Variants in VAPA observed in about 807,000 individuals in gnomAD.
VAPA encodes the protein vesicle-associated membrane protein-associated protein A.
VAPA carries 6 observed loss-of-function variants against 25.6 expected under a neutral mutation model. The ratio of observed to expected loss-of-function variants is 0.23; its 90% CI spans 0.13 to 0.46. The LOEUF (loss-of-function observed/expected upper bound fraction) is 0.46. Among genes scored for constraint, VAPA ranks in the 20% least tolerant of loss-of-function variants. VAPA has a pLI of 0.99. For missense variants in VAPA, 244 were observed against 302.1 expected (o/e 0.81, Z 1.43); for synonymous variants, 112 against 106.2 (o/e 1.05, Z -0.34).
intron 1 of VAPA, among the ~76,000 whole-genome samples, chr18:9,928,369 T>C (rs2069220656): frequency 6.6e-6 from 1 of 152,158 alleles, no homozygotes; most frequent in South Asian, 2.1e-4. Context: ...AATACTCATA[T>C]AATCACCTCC....
At chr18:9,923,199 G>C (rs968783835) in intron 1 of VAPA, among the ~76,000 whole-genome samples, 2 of 152,106 alleles carry the variant, frequency 1.3e-5, no homozygotes, top group Admixed American at 1.3e-4. Flanking sequence ...GTTTGATACT[G>C]TTCTGAAAAT....
chr18:9,950,254 A>T, intron 4 of VAPA, 141 bp from the exon 5 acceptor site: 2 of 805,656 alleles, frequency 2.5e-6, no homozygotes, highest in Non-Finnish European at 3.9e-6. Flanking sequence ...TATTTAGACT[A>T]ATCTGACTGC....
At chr18:9,952,532 C>T (rs1299287937) in intron 5 of VAPA, among the ~76,000 whole-genome samples, 4 of 150,108 alleles carry the variant, frequency 2.7e-5, no homozygotes, top group African/African-American at 4.9e-5. Context: ...CGCCATTGTA[C>T]TCCAGCCTGG....
intron 2 of VAPA, among the ~76,000 whole-genome samples, chr18:9,934,801 C>T (rs951797155): frequency 5.3e-5 from 8 of 152,134 alleles, no homozygotes; most frequent in Non-Finnish European, 7.4e-5. Context: ...ACTTAAAAGA[C>T]GAGAAATTAT....
chr18:9,959,987 TACAA>T lies in VAPA; in HGVS notation c.*5779_*5782del, dbSNP rs991190475. 41 of 121,476 alleles carry T rather than the reference TACAA, an allele frequency of 3.4e-4. No individual in the cohort carries two copies. The highest frequency in any genetic ancestry group is 5.7e-4 in the African/African-American group (21 of 36,898). 7.5% of individuals were successfully genotyped at this position (121,476 alleles called of 1,614,324 possible). A position where few individuals can be genotyped will look rare whatever the true frequency, so the allele number is the denominator to read the frequency against. On this transcript the variant is annotated 3_prime_UTR_variant, in exon 6 of 6. Coordinates refer to ENST00000400000, the MANE Select transcript of VAPA (RefSeq NM_194434.3). ...AGGATATATTTCACATGAAAACAAA[TACAA>T]ACGAGAATCAAAATAAAGTTTTGCA...
At chr18:9,923,719 C>G (rs1251723674) in intron 1 of VAPA, among the ~76,000 whole-genome samples, 16 of 152,020 alleles carry the variant, frequency 1.1e-4, no homozygotes, top group African/African-American at 1.9e-4. Context: ...GAGTACTGTT[C>G]CCACTGAGAA....
chr18:9,944,261 T>C (rs773596491), intron 4 of VAPA, among the ~76,000 whole-genome samples: 1 of 152,122 alleles, frequency 6.6e-6, no homozygotes, highest in African/African-American at 2.4e-5. Flanking sequence ...AGGGGTCTTA[T>C]CATAAAATGG....
chr18:9,948,166 C>CT (rs1567901705), intron 4 of VAPA: 4 of 152,130 alleles, frequency 2.6e-5, no homozygotes, highest in African/African-American at 9.7e-5. Flanking sequence ...ACAAAAAAAT[C>CT]TAATTCTATT....
intron 4 of VAPA, among the ~76,000 whole-genome samples, chr18:9,945,971 T>C (rs1164151376): frequency 1.3e-5 from 2 of 152,220 alleles, no homozygotes; most frequent in African/African-American, 4.8e-5. Context: ...TATGTGCGTT[T>C]TTATCCATCA....
rs555114003 is a variant in VAPA at position 9,914,227 on chromosome 18, G to A, written c.-30G>A. 5 of 1,563,486 alleles carry A rather than the reference G, an allele frequency of 3.2e-6. No individual in the cohort carries two copies. In the African/African-American group the frequency reaches 4.3e-5, roughly 13 times the overall value. On this transcript the variant is annotated 5_prime_UTR_variant, in exon 1 of 6. Transcript: ENST00000400000. Reference sequence around the variant, plus strand: ...CCCCAGTCAGCAAACCGCCGCCGCGGGCGCGCCCCCGCTCTGCGCTGTCTC... The same window carrying A: ...CCCCAGTCAGCAAACCGCCGCCGCGAGCGCGCCCCCGCTCTGCGCTGTCTC...
At position 9,926,227 on chromosome 18, in the gene VAPA, A is replaced by T. The variant is rs566611744; in HGVS notation, c.80-5583A>T. ...ATGTTTTGTATATATGATTACCTTAACATGATGCCACAGATACTCAGCAGC... is the reference window on the plus strand; with the variant it reads ...ATGTTTTGTATATATGATTACCTTATCATGATGCCACAGATACTCAGCAGC... On this transcript the variant is annotated intron_variant, in intron 1 of 5. Coordinates refer to ENST00000400000, the MANE Select transcript of VAPA (RefSeq NM_194434.3). Among the ~76,000 whole-genome samples the T allele has an allele frequency of 2.6e-5, 4 of 152,282 alleles. No homozygotes were observed. The East Asian group carries it at 7.7e-4, about 29-fold the overall frequency.
chr18:9,919,523 C>T (rs761675510), intron 1 of VAPA, among the ~76,000 whole-genome samples: 6 of 152,078 alleles, frequency 3.9e-5, no homozygotes, highest in Admixed American at 1.3e-4. Context: ...TATAGTGCTA[C>T]GAGAATGTAA....
intron 2 of VAPA, 93 bp from the exon 3 acceptor site, chr18:9,936,017 C>T (rs1031680275): frequency 3.5e-6 from 3 of 862,796 alleles, no homozygotes; most frequent in Admixed American, 2.9e-5. Flanking sequence ...AAGGCAAATC[C>T]CAGACTTAGT....
At chr18:9,925,394 CT>C (rs1189116329) in intron 1 of VAPA, among the ~76,000 whole-genome samples, 3 of 152,014 alleles carry the variant, frequency 2.0e-5, no homozygotes, top group Non-Finnish European at 2.9e-5. Context: ...AGGATCCATA[CT>C]TTTATGATGT....
intron 4 of VAPA, among the ~76,000 whole-genome samples, chr18:9,942,868 T>C (rs2069380224): frequency 1.3e-5 from 2 of 152,120 alleles, no homozygotes; most frequent in Non-Finnish European, 1.5e-5. Context: ...CCCACCAGGT[T>C]CCACCTCCAA....
chr18:9,914,430 C>A, intron 1 of VAPA, 95 bp downstream of exon 1: 1 of 1,111,012 alleles, frequency 9.0e-7, no homozygotes, highest in Non-Finnish European at 1.2e-6. Context: ...GGCCCTGGCC[C>A]GAGGGAGCGC....
chr18:9,932,675 G>C (rs2069267857), intron 2 of VAPA, among the ~76,000 whole-genome samples: 1 of 152,108 alleles, frequency 6.6e-6, no homozygotes, highest in Non-Finnish European at 1.5e-5. Flanking sequence ...TTACTTAGGG[G>C]AGAACCTCTC....
chr18:9,920,858 A>C (rs1297586478), intron 1 of VAPA, among the ~76,000 whole-genome samples: 2 of 152,148 alleles, frequency 1.3e-5, no homozygotes, highest in Non-Finnish European at 1.5e-5. Context: ...CTCTGCTTAG[A>C]ATATTGTCCT....
chr18:9,959,852 G>A lies in VAPA; in HGVS notation c.*5641G>A, dbSNP rs1219553502. 6.6e-6 allele frequency: 1 copy of A among 151,986 alleles called. No individual in the cohort carries two copies. Among genetic ancestry groups the A allele is most frequent in the Non-Finnish European group, 1.5e-5 (1 of 67,996 alleles). The allele number at this position is 151,986 out of a possible 1,614,324, so 9.4% of individuals were successfully genotyped here. ...AGGTTTGTTAGGAATTACAGTTGTG[G>A]GGAGCAAACTTTCTTTTTTGTGCTG... is the stretch of plus-strand genomic sequence containing the variant. On this transcript the variant is annotated 3_prime_UTR_variant, in exon 6 of 6. Transcript: ENST00000400000.
Sources: allele counts gnomAD v4.1 joint callset (sites outside exome capture counted in the v4.1 genomes callset), GRCh38; gene constraint gnomAD v4.1.1; transcripts MANE v1.5; gene names NCBI Gene and HGNC (gene_info 2026-07-23, HGNC 2026-07-21).